CEP164: variants seen among roughly 807,000 people sequenced by gnomAD.
CEP164 encodes centrosomal protein 164, also known as centrosomal protein of 164 kDa.
CEP164 carries 162 observed loss-of-function variants against 182.7 expected under a neutral mutation model. That is an observed-to-expected ratio of 0.89 (90% confidence interval 0.78 to 1.01). CEP164 has a LOEUF of 1.01. CEP164 is among the 50% of genes least tolerant of loss of function. The pLI is 0.00. For synonymous variants in CEP164, 661 were observed against 690.0 expected (o/e 0.96, Z 0.66); for missense variants, 1,735 against 1,790.4 (o/e 0.97, Z 0.56).
At position 117,361,904 on chromosome 11, in the gene CEP164, G is replaced by A; in HGVS notation, c.463G>A (p.Asp155Asn). 1 of 1,613,838 alleles carries A rather than the reference G, an allele frequency of 6.2e-7. No homozygotes were observed. The highest frequency in any genetic ancestry group is 1.1e-5 in the South Asian group (1 of 91,000). The change falls in exon 6 of 33, where the codon GAT (aspartate) becomes AAT (asparagine). Residue 155 changes from aspartate (D) to asparagine (N), a missense_variant. By Grantham distance (23) the Asp-to-Asn change is conservative (BLOSUM62 1). Transcript: ENST00000278935. ...CCTGGCTCCTTTACGAGGTCTTGTG[G>A]ATACCCCACCCTCTGCTCTTCGTGG... Reference protein sequence around the residue: ...GGLAPLRGLVDTPPSALRGSQ... With the variant: ...GGLAPLRGLVNTPPSALRGSQ...
At chr11:117,395,945 G>A (rs2045382569) in intron 24 of CEP164, 109 bp from the exon 25 acceptor site, 1 of 1,491,138 alleles carries the variant, frequency 6.7e-7, no homozygotes. Flanking sequence ...CCCTTCCTCA[G>A]GGACTTTGAC....
upstream of CEP164, chr11:117,327,766 A>T (rs1282233463): frequency 6.6e-6 from 1 of 152,218 alleles, no homozygotes; most frequent in African/African-American, 2.4e-5. Flanking sequence ...GAGCCAATCC[A>T]TTGTCACAGC....
In CEP164 at chr11:117,411,793, A is replaced by C; in HGVS notation, c.4164-2A>C. ...TCGCCATGCTCTCCTCTTCCTTCCC[A>C]GTGAGCAGCTCCGGCTCCTACAGCA... On this transcript the variant is annotated splice_acceptor_variant, in intron 31 of 32. Transcript: ENST00000278935. LOFTEE classifies it high-confidence loss of function. This position sits in a 1 kb window ranked among gnomAD's most constrained non-coding sequence, Gnocchi z 4.4. 1 of 1,613,982 alleles carries C rather than the reference A, an allele frequency of 6.2e-7. No homozygotes were observed. The highest frequency in any genetic ancestry group is 2.2e-5 in the East Asian group (1 of 44,884).
intron 4 of CEP164, among the ~76,000 whole-genome samples, chr11:117,344,990 G>T (rs1484154580): frequency 1.3e-5 from 2 of 152,050 alleles, no homozygotes; most frequent in South Asian, 4.1e-4. Flanking sequence ...AAAATAAAAT[G>T]GATGTTGATG....
chr11:117,394,262 T>A lies in CEP164; in HGVS notation c.2617-88T>A. 1.3e-6 allele frequency: 2 copies of A among 1,515,678 alleles called. No homozygotes were observed. The highest frequency in any genetic ancestry group is 1.8e-6 in the Non-Finnish European group (2 of 1,121,588). 93.9% of individuals were successfully genotyped at this position (1,515,678 alleles called of 1,614,324 possible). On this transcript the variant is annotated intron_variant, in intron 20 of 32. Transcript: ENST00000278935. This position sits in a 1 kb window ranked among gnomAD's most constrained non-coding sequence, Gnocchi z 4.0. Reference sequence around the variant, plus strand: ...CCGATGGTGTCCCTGATCTTACTGATGCAAGGCTGCAGGGCTAGGGGAGCT... The same window carrying A: ...CCGATGGTGTCCCTGATCTTACTGAAGCAAGGCTGCAGGGCTAGGGGAGCT...
At chr11:117,398,938 G>T (rs2045836305) in intron 27 of CEP164, among the ~76,000 whole-genome samples, 1 of 152,090 alleles carries the variant, frequency 6.6e-6, no homozygotes, top group Admixed American at 6.5e-5. Flanking sequence ...GAAAATTTTT[G>T]CAGCTAGCTT....
Position 117,381,742 on chromosome 11 carries a change from C to A in CEP164, c.1451C>A (p.Pro484His), listed in dbSNP as rs1347499202. ...CCACACGAGGAGCGGGCCCAGAGTCCCCCTCGCAGCCTGGCCACTGAAGAA... is the reference window on the plus strand; with the variant it reads ...CCACACGAGGAGCGGGCCCAGAGTCACCCTCGCAGCCTGGCCACTGAAGAA... ...PLPHEERAQSPPRSLATEEEP... is the reference protein window; with the variant it reads ...PLPHEERAQSHPRSLATEEEP... The change falls in exon 13 of 33, where the codon CCC becomes CAC. Residue 484 changes from proline (P) to histidine (H), a missense_variant. By Grantham distance (77) the Pro-to-His change is moderately conservative. Transcript: ENST00000278935. The A allele has an allele frequency of 6.2e-7, 1 of 1,609,656 alleles. No homozygotes were observed. The highest frequency in any genetic ancestry group is 1.3e-5 in the African/African-American group (1 of 74,814).
At position 117,358,276 on chromosome 11, in the gene CEP164, T is replaced by C. The variant is rs376370694; in HGVS notation, c.394-3559T>C. 2.5e-4 allele frequency among the ~76,000 whole-genome samples: 38 copies of C among 152,250 alleles called. No homozygotes were observed. The East Asian group carries it at 2.5e-3, about 10-fold the overall frequency. On this transcript the variant is annotated intron_variant, in intron 5 of 32. Transcript: ENST00000278935. The stretch of plus-strand genomic sequence containing the variant: ...AAGATGATCAGCTAGGAGCCAGGAA[T>C]GTATAATTTCTCCACTAATCGCTGA...
At chr11:117,373,725 A>T in intron 9 of CEP164, 26 bp from the exon 10 acceptor site, 2 of 1,606,074 alleles carry the variant, frequency 1.2e-6, no homozygotes, top group South Asian at 1.1e-5. Context: ...GCTCTGAGGG[A>T]TTTCTCTGTG....
At chr11:117,346,967 T>C (rs944397360) in intron 4 of CEP164, among the ~76,000 whole-genome samples, 1 of 152,182 alleles carries the variant, frequency 6.6e-6, no homozygotes, top group Non-Finnish European at 1.5e-5. Flanking sequence ...TAATTACTAT[T>C]AATTGGTAAA....
At chr11:117,371,640 A>G (rs1389998911) in intron 9 of CEP164, among the ~76,000 whole-genome samples, 174 bp downstream of exon 9, 1 of 152,210 alleles carries the variant, frequency 6.6e-6, no homozygotes, top group Non-Finnish European at 1.5e-5. Context: ...AAATATGCCC[A>G]GACCCAGCAG....
intron 27 of CEP164, among the ~76,000 whole-genome samples, chr11:117,401,424 A>G (rs956860777): frequency 3.9e-5 from 6 of 152,194 alleles, no homozygotes; most frequent in Admixed American, 3.3e-4. Flanking sequence ...CATCAGGGAT[A>G]TTGGCCTGAA....
At chr11:117,356,737 C>T in intron 5 of CEP164, 1 of 1,042,584 alleles carries the variant, frequency 9.6e-7, no homozygotes, top group Non-Finnish European at 1.2e-6. Context: ...ACCGTGGTAA[C>T]TATTGGCCCT....
At position 117,338,617 on chromosome 11, in the gene CEP164, C is replaced by G. The variant is rs781473958; in HGVS notation, c.31C>G (p.Gln11Glu). Residue 11 changes from glutamine to glutamate, a missense_variant, in exon 3 of 33, where the codon CAG (glutamine) becomes GAG (glutamate). By Grantham distance (29) the Gln-to-Glu change is conservative. Transcript: ENST00000278935. MAGRPLRIGD[Q>E]LVLEEDYDET... ...TGGACGACCCCTCCGCATAGGAGATCAGCTGGTTCTGGAAGAAGATTATGA... is the reference window on the plus strand; with the variant it reads ...TGGACGACCCCTCCGCATAGGAGATGAGCTGGTTCTGGAAGAAGATTATGA... The G allele has an allele frequency of 6.2e-7, 1 of 1,613,996 alleles. No homozygotes were observed. The highest frequency in any genetic ancestry group is 1.1e-5 in the South Asian group (1 of 91,084).
intron 24 of CEP164, 98 bp from the exon 25 acceptor site, chr11:117,395,956 G>A (rs2045384376): frequency 4.6e-6 from 7 of 1,528,018 alleles, no homozygotes; most frequent in South Asian, 1.2e-5. Flanking sequence ...GGACTTTGAC[G>A]GATGGGAGTG....
intron 20 of CEP164, among the ~76,000 whole-genome samples, chr11:117,393,669 C>T (rs1277616350): frequency 6.6e-6 from 1 of 152,230 alleles, no homozygotes; most frequent in Non-Finnish European, 1.5e-5. Flanking sequence ...CTTCAGTTTC[C>T]TCACTGCAAT....
chr11:117,366,910 C>G (rs1461325978), intron 8 of CEP164, among the ~76,000 whole-genome samples: 2 of 152,172 alleles, frequency 1.3e-5, no homozygotes, highest in Non-Finnish European at 2.9e-5. Flanking sequence ...CTTATAAGCT[C>G]TCTCCTGCTC....
intron 9 of CEP164, 99 bp from the exon 10 acceptor site, chr11:117,373,652 C>G (rs2042443765): frequency 3.1e-6 from 3 of 969,644 alleles, no homozygotes; most frequent in Non-Finnish European, 3.3e-6. Flanking sequence ...TGACCTGAGC[C>G]CTATATTGGC....
intron 3 of CEP164, among the ~76,000 whole-genome samples, chr11:117,339,458 A>G (rs1317552248): frequency 6.8e-6 from 1 of 147,780 alleles, no homozygotes; most frequent in Admixed American, 6.8e-5. Flanking sequence ...ATAACTTATT[A>G]TGTGCCAGCG....
Sources: gnomAD v4.1 joint callset for allele counts (sites outside exome capture counted in the v4.1 genomes callset) on GRCh38, gnomAD v4.1.1 for gene constraint, Gnocchi (gnomAD v3.1) non-coding constraint, MANE v1.5 for transcripts, NCBI Gene and HGNC (gene_info 2026-07-23, HGNC 2026-07-21) for gene names.